The following STXBP5L variants were observed in gnomAD, a reference collection of about 807,000 sequenced individuals.
The protein encoded by STXBP5L is syntaxin binding protein 5L, also known as syntaxin-binding protein 5-like.
A neutral mutation model predicts 144.5 loss-of-function variants in STXBP5L; 65 were observed. That is an observed-to-expected ratio of 0.45 (90% CI 0.37 to 0.55). The LOEUF (loss-of-function observed/expected upper bound fraction) is 0.55, where lower values mean the gene tolerates loss of function less well. Among genes scored for constraint, STXBP5L ranks in the 20% least tolerant of loss-of-function variants. The probability of loss-of-function intolerance (pLI) is 0.00; values close to 1 mark genes in which losing one functional copy is unlikely to be tolerated. For missense variants in STXBP5L, 1,298 were observed against 1,405.5 expected (o/e 0.92, Z 1.22); for synonymous variants, 505 against 469.6 (o/e 1.08, Z -0.97).
At chr3:121,087,879 A>G (rs555983604) in intron 5 of STXBP5L, among the ~76,000 whole-genome samples, 2 of 152,220 alleles carry the variant, frequency 1.3e-5, no homozygotes, top group Non-Finnish European at 2.9e-5. Context: ...ATATACAAAC[A>G]ACTTACTGGA....
At chr3:121,003,916 T>G (rs1394000378) in intron 3 of STXBP5L, among the ~76,000 whole-genome samples, 1 of 152,076 alleles carries the variant, frequency 6.6e-6, no homozygotes, top group Non-Finnish European at 1.5e-5. Flanking sequence ...GTCTACTCTG[T>G]TTTGGTACCA....
chr3:120,995,859 C>T (rs190898589), intron 3 of STXBP5L, among the ~76,000 whole-genome samples: 34 of 152,140 alleles, frequency 2.2e-4, no homozygotes, highest in Admixed American at 1.6e-3. Context: ...GTTACTATTT[C>T]CTCTCTGAAG....
chr3:121,353,656 G>A (rs1287554178), intron 20 of STXBP5L, among the ~76,000 whole-genome samples: 2 of 152,032 alleles, frequency 1.3e-5, no homozygotes, highest in Non-Finnish European at 2.9e-5. Flanking sequence ...TTAATTTTTT[G>A]AAGGGTTTTT....
chr3:121,311,989 A>G (rs576767631), intron 19 of STXBP5L, among the ~76,000 whole-genome samples: 55 of 152,326 alleles, frequency 3.6e-4, no homozygotes, highest in Admixed American at 2.9e-3. Context: ...TGGTACCAAA[A>G]CAGAGATATA....
At chr3:121,076,423 T>C (rs1174774830) in intron 5 of STXBP5L, among the ~76,000 whole-genome samples, 1 of 152,180 alleles carries the variant, frequency 6.6e-6, no homozygotes, top group African/African-American at 2.4e-5. Context: ...ATGACTCCTT[T>C]TCTTTTTCTG....
chr3:121,316,149 A>G (rs1053652245), intron 19 of STXBP5L, among the ~76,000 whole-genome samples: 3 of 152,174 alleles, frequency 2.0e-5, no homozygotes, highest in Non-Finnish European at 4.4e-5. Flanking sequence ...TTAAATAATG[A>G]TTGTTCTGAA....
At chr3:121,213,032 A>G (rs1446309773) in intron 10 of STXBP5L, among the ~76,000 whole-genome samples, 1 of 152,042 alleles carries the variant, frequency 6.6e-6, no homozygotes, top group African/African-American at 2.4e-5. Flanking sequence ...GGTGTATAGG[A>G]ATTCTTGTGA....
intron 3 of STXBP5L, among the ~76,000 whole-genome samples, chr3:120,984,517 T>A (rs1942100626): frequency 6.6e-6 from 1 of 152,048 alleles, no homozygotes; most frequent in South Asian, 2.1e-4. Flanking sequence ...TAACGGGATT[T>A]TTTTTTTGGT....
intron 3 of STXBP5L, among the ~76,000 whole-genome samples, chr3:120,983,329 A>T (rs576219414): frequency 6.6e-6 from 1 of 152,226 alleles, no homozygotes; most frequent in East Asian, 1.9e-4. Flanking sequence ...TCTCAGTGGG[A>T]TCAGCAAAGT....
chr3:121,300,331 C>T (rs2051840106), intron 19 of STXBP5L, among the ~76,000 whole-genome samples: 1 of 151,908 alleles, frequency 6.6e-6, no homozygotes, highest in Admixed American at 6.6e-5. Context: ...ATTAGGAATA[C>T]AGGTAAGAAT....
At chr3:121,341,471 T>C (rs530788845) in intron 20 of STXBP5L, among the ~76,000 whole-genome samples, 1 of 152,194 alleles carries the variant, frequency 6.6e-6, no homozygotes, top group East Asian at 1.9e-4. Context: ...TTCCTCAAAA[T>C]ACTAAAAATG....
chr3:120,986,983 A>T (rs1175936197), intron 3 of STXBP5L, among the ~76,000 whole-genome samples: 1 of 151,982 alleles, frequency 6.6e-6, no homozygotes, highest in African/African-American at 2.4e-5. Context: ...TATAGTGGGA[A>T]TCCCAGAAAG....
intron 3 of STXBP5L, among the ~76,000 whole-genome samples, chr3:121,001,155 A>C (rs1943742882): frequency 6.6e-6 from 1 of 152,248 alleles, no homozygotes; most frequent in Non-Finnish European, 1.5e-5. Context: ...GGGTCTGTGC[A>C]TAGGCATGTG....
chr3:120,996,074 G>A (rs997725041), intron 3 of STXBP5L, among the ~76,000 whole-genome samples: 4 of 151,890 alleles, frequency 2.6e-5, no homozygotes, highest in Admixed American at 2.0e-4. Flanking sequence ...AAAATGTAAC[G>A]TCTCCTTCTG....
chr3:120,912,757 A>G (rs1324246040), intron 2 of STXBP5L, among the ~76,000 whole-genome samples: 1 of 151,988 alleles, frequency 6.6e-6, no homozygotes, highest in Non-Finnish European at 1.5e-5. Context: ...GTGAAATACA[A>G]TTTGAAACTA....
intron 9 of STXBP5L, among the ~76,000 whole-genome samples, chr3:121,191,408 G>C (rs1197213825): frequency 6.6e-6 from 1 of 152,142 alleles, no homozygotes; most frequent in Admixed American, 6.5e-5. Context: ...GCGTGGAGGC[G>C]CACGCCTGCA....
At chr3:121,399,494 C>T (rs1049080924) in intron 22 of STXBP5L, among the ~76,000 whole-genome samples, 1 of 152,068 alleles carries the variant, frequency 6.6e-6, no homozygotes, top group African/African-American at 2.4e-5. Context: ...AGCTGAGAGC[C>T]CTGAACAGAG....
chr3:121,006,498 C>G (rs946879976), intron 3 of STXBP5L, among the ~76,000 whole-genome samples: 3 of 151,586 alleles, frequency 2.0e-5, no homozygotes, highest in Non-Finnish European at 3.0e-5. Flanking sequence ...GATCTTGACT[C>G]TATCCACTTT....
intron 19 of STXBP5L, among the ~76,000 whole-genome samples, chr3:121,307,082 A>AC (rs1238634670): frequency 6.6e-6 from 1 of 152,146 alleles, no homozygotes; most frequent in Non-Finnish European, 1.5e-5. Context: ...CTGAGAAGCA[A>AC]CCTCAAAGTC....
Sources: gnomAD v4.1 joint callset for allele counts (sites outside exome capture counted in the v4.1 genomes callset) on GRCh38, gnomAD v4.1.1 for gene constraint, MANE v1.5 for transcripts, NCBI Gene and HGNC (gene_info 2026-07-23, HGNC 2026-07-21) for gene names.